PCDHGB5: variants seen among roughly 807,000 people sequenced by gnomAD.
PCDHGB5 encodes protocadherin gamma subfamily B, 5.
Under a neutral mutation model 62.9 loss-of-function variants are expected in PCDHGB5, and 48 were observed. The ratio of observed to expected loss-of-function variants is 0.76; its 90% CI spans 0.61 to 0.97. The LOEUF is 0.97. Ranked by LOEUF, PCDHGB5 falls within the 50% of genes least tolerant of loss-of-function variation. PCDHGB5 has a pLI of 0.00. For synonymous variants in PCDHGB5, 474 were observed against 511.2 expected, an observed-to-expected ratio of 0.93 and a Z score of 0.98; for missense variants, 1,118 against 1,198.6, an observed-to-expected ratio of 0.93 and a Z score of 0.99.
intron 1 of PCDHGB5, among the ~76,000 whole-genome samples, chr5:141,443,034 A>T (rs368996869): frequency 2.0e-5 from 3 of 152,172 alleles, no homozygotes; most frequent in East Asian, 3.8e-4. Context: ...CCAGACCTAA[A>T]CTTTGAAAAT....
At chr5:141,421,489 G>T (rs754141447) in intron 1 of PCDHGB5, 9 of 1,614,094 alleles carry the variant, frequency 5.6e-6, no homozygotes, top group Non-Finnish European at 7.6e-6. Context: ...CTTGATCACG[G>T]CAGGCAGGAT....
In PCDHGB5 at chr5:141,432,967, G is replaced by T; in HGVS notation, c.2397+32443G>T. ...CAGGAGGCGGCTTGACAGGAGCGCC[G>T]GCGTCGCACTTTGTGGGCGTGGACG... On this transcript the variant is annotated intron_variant, in intron 1 of 3. Coordinates refer to ENST00000617380, the MANE Select transcript of PCDHGB5 (RefSeq NM_018925.3). The surrounding 1 kb of genome is among the most constrained non-coding windows in gnomAD (Gnocchi z 6.0). 1 of 1,614,190 alleles carries T rather than the reference G, an allele frequency of 6.2e-7. No homozygotes were observed. The highest frequency in any genetic ancestry group is 2.2e-5 in the East Asian group (1 of 44,854).
At chr5:141,495,274 G>A (rs1396412578) in intron 2 of PCDHGB5, among the ~76,000 whole-genome samples, 1 of 152,190 alleles carries the variant, frequency 6.6e-6, no homozygotes, top group Non-Finnish European at 1.5e-5. Context: ...TTGACCGGAG[G>A]AGGCGGTCCG....
At position 141,477,843 on chromosome 5, in the gene PCDHGB5, C is replaced by T; in HGVS notation, c.2398-16964C>T. The T allele has an allele frequency of 6.2e-7, 1 of 1,613,408 alleles. No homozygotes were observed. Among genetic ancestry groups the T allele is most frequent in the Non-Finnish European group, 8.5e-7 (1 of 1,179,796 alleles). On this transcript the variant is annotated intron_variant, in intron 1 of 3. Coordinates refer to ENST00000617380, the MANE Select transcript of PCDHGB5 (RefSeq NM_018925.3). The surrounding 1 kb of genome is among the most constrained non-coding windows in gnomAD (Gnocchi z 4.9). Reference sequence around the variant, plus strand: ...CTATATCCTCGGCCAGGTGGGAGCTCGGTGGAGATGCTGCCTCGAGGTACC... The same window carrying T: ...CTATATCCTCGGCCAGGTGGGAGCTTGGTGGAGATGCTGCCTCGAGGTACC...
At chr5:141,453,058 G>C (rs2098754889) in intron 1 of PCDHGB5, among the ~76,000 whole-genome samples, 2 of 152,076 alleles carry the variant, frequency 1.3e-5, no homozygotes, top group Admixed American at 1.3e-4. Flanking sequence ...TGCAGTTTTA[G>C]AGTTTTGCCA....
intron 1 of PCDHGB5, among the ~76,000 whole-genome samples, chr5:141,481,153 A>G (rs1376488411): frequency 2.0e-5 from 3 of 152,224 alleles, no homozygotes; most frequent in Non-Finnish European, 4.4e-5. Context: ...TTATTCTGGT[A>G]TTTGCAGAAC....
intron 2 of PCDHGB5, among the ~76,000 whole-genome samples, chr5:141,500,112 C>G (rs2099796438): frequency 6.8e-6 from 1 of 147,138 alleles, no homozygotes; most frequent in Non-Finnish European, 1.5e-5. Context: ...TGTTGAATCC[C>G]TGCCTTTTCA....
Position 141,490,148 on chromosome 5 carries a change from A to T in PCDHGB5, c.2398-4659A>T. On this transcript the variant is annotated intron_variant, in intron 1 of 3. Transcript: ENST00000617380. This position sits in a 1 kb window ranked among gnomAD's most constrained non-coding sequence, Gnocchi z 5.4. The stretch of plus-strand genomic sequence containing the variant: ...CTAGACCCTAGCAGTGGGGCAATCC[A>T]TGTGTTGGGTCCCATAGACTTTGAG... The T allele has an allele frequency of 6.2e-7, 1 of 1,614,232 alleles. No homozygotes were observed. The highest frequency in any genetic ancestry group is 1.3e-5 in the African/African-American group (1 of 75,068).
chr5:141,432,096 A>G lies in PCDHGB5; in HGVS notation c.2397+31572A>G, dbSNP rs763154183. On this transcript the variant is annotated intron_variant, in intron 1 of 3. Transcript: ENST00000617380. This position sits in a 1 kb window ranked among gnomAD's most constrained non-coding sequence, Gnocchi z 6.0. Reference sequence around the variant, plus strand: ...ATCTCGCTGAACGTGGCAGACACCAACGACAACCCGCCGGTCTTCCCTCAG... The same window carrying G: ...ATCTCGCTGAACGTGGCAGACACCAGCGACAACCCGCCGGTCTTCCCTCAG... The G allele has an allele frequency of 1.9e-6, 3 of 1,613,944 alleles. No homozygotes were observed. Among genetic ancestry groups the G allele is most frequent in the East Asian group, 2.2e-5 (1 of 44,870 alleles).
At chr5:141,437,863 G>A (rs2097915247) in intron 1 of PCDHGB5, among the ~76,000 whole-genome samples, 2 of 151,480 alleles carry the variant, frequency 1.3e-5, no homozygotes, top group African/African-American at 2.4e-5. Context: ...TTAGCCTCCC[G>A]AGTAGCTGGG....
At chr5:141,404,391 A>C (rs773558298) in intron 1 of PCDHGB5, 1 of 1,613,924 alleles carries the variant, frequency 6.2e-7, no homozygotes, top group South Asian at 1.1e-5. Context: ...TATGACCCTG[A>C]TAGCAATGAG....
chr5:141,486,608 G>A lies in PCDHGB5; in HGVS notation c.2398-8199G>A. On this transcript the variant is annotated intron_variant, in intron 1 of 3. Transcript: ENST00000617380. The surrounding 1 kb of genome is among the most constrained non-coding windows in gnomAD (Gnocchi z 5.0). ...AGGGGACCTGCTTTGCTCCCTTGCAGCCTCTGACCCAGACTCTGGCTTGAA... is the reference window on the plus strand; with the variant it reads ...AGGGGACCTGCTTTGCTCCCTTGCAACCTCTGACCCAGACTCTGGCTTGAA... 3 of 1,613,546 alleles carry A rather than the reference G, an allele frequency of 1.9e-6. No homozygotes were observed. The highest frequency in any genetic ancestry group is 2.5e-6 in the Non-Finnish European group (3 of 1,180,024).
chr5:141,467,764 TGCCCGCACCTCA>T (rs544344217), intron 1 of PCDHGB5, among the ~76,000 whole-genome samples: 90 of 152,158 alleles, frequency 5.9e-4, no homozygotes, highest in South Asian at 1.0e-3. Context: ...CATGCTCAAG[TGCCCGCACCTCA>T]GCCTCTCAAG....
intron 1 of PCDHGB5, among the ~76,000 whole-genome samples, chr5:141,494,030 A>G (rs1165393646): frequency 6.6e-6 from 1 of 151,978 alleles, no homozygotes; most frequent in Non-Finnish European, 1.5e-5. Context: ...AGCCCTGGAG[A>G]CTTAGTTGGC....
chr5:141,508,647 C>T (rs1301017914), intron 3 of PCDHGB5, among the ~76,000 whole-genome samples: 4 of 152,090 alleles, frequency 2.6e-5, no homozygotes, highest in African/African-American at 9.7e-5. Flanking sequence ...CTCCGTCAGG[C>T]CCTTCCTGTC....
chr5:141,413,932 G>T (rs762255781), intron 1 of PCDHGB5: 2 of 1,613,426 alleles, frequency 1.2e-6, no homozygotes, highest in Admixed American at 1.7e-5. Context: ...AGAATACCGA[G>T]TGAGTGTTCC....
At chr5:141,403,125 A>G (rs755647554) in intron 1 of PCDHGB5, 2 of 1,614,028 alleles carry the variant, frequency 1.2e-6, no homozygotes. Context: ...GAGCCCCGGG[A>G]GCTGGCGGAG....
In PCDHGB5 at chr5:141,400,087, G is replaced by A. The variant is rs751908680; in HGVS notation, c.1960G>A (p.Ala654Thr). Residue 654 changes from alanine to threonine, a missense_variant, in exon 1 of 4, where the codon GCC becomes ACC. Ala to Thr is a moderately conservative substitution (Grantham distance 58). This residue lies in a region of PCDHGB5 where 1,034 missense variants were observed against 1,029.1 expected (regional missense o/e 1.00). Coordinates refer to ENST00000617380, the MANE Select transcript of PCDHGB5 (RefSeq NM_018925.3). Reference protein sequence around the residue: ...DGGQPPLSATATLHLVFADSL... With the variant: ...DGGQPPLSATTTLHLVFADSL... ...TGGACAGCCGCCACTCTCCGCCACC[G>A]CCACGCTGCACTTGGTCTTTGCTGA... is the stretch of plus-strand genomic sequence containing the variant. The A allele has an allele frequency of 1.9e-6, 3 of 1,614,042 alleles. No individual in the cohort carries two copies. The highest frequency in any genetic ancestry group is 2.5e-6 in the Non-Finnish European group (3 of 1,179,898).
In PCDHGB5 at chr5:141,485,778, G is replaced by A. The variant is rs575586552; in HGVS notation, c.2398-9029G>A. On this transcript the variant is annotated intron_variant, in intron 1 of 3. Coordinates refer to ENST00000617380, the MANE Select transcript of PCDHGB5 (RefSeq NM_018925.3). The surrounding 1 kb of genome is among the most constrained non-coding windows in gnomAD (Gnocchi z 5.7). ...CTGCTCCTGGAGAAGCCTTTGGATC[G>A]AGAGAAGCAATCGGACTACCGCCTG... is the stretch of plus-strand genomic sequence containing the variant. The A allele has an allele frequency of 1.2e-6, 2 of 1,614,216 alleles. No individual in the cohort carries two copies. Among genetic ancestry groups the A allele is most frequent in the Admixed American group, 1.7e-5 (1 of 60,028 alleles).
Sources: allele counts gnomAD v4.1 joint callset (sites outside exome capture counted in the v4.1 genomes callset), GRCh38; gene constraint gnomAD v4.1.1; regional missense constraint gnomAD v4.1.1; non-coding constraint Gnocchi (gnomAD v3.1); transcripts MANE v1.5; gene names NCBI Gene and HGNC (gene_info 2026-07-23, HGNC 2026-07-21).